CCDC171: variants seen among roughly 807,000 people sequenced by gnomAD.
CCDC171 encodes the protein coiled-coil domain containing 171.
A neutral mutation model predicts 168.2 loss-of-function variants in CCDC171; 177 were observed. The ratio of observed to expected loss-of-function variants is 1.05; its 90% CI spans 0.93 to 1.19. The LOEUF (loss-of-function observed/expected upper bound fraction) is 1.19, where lower values mean the gene tolerates loss of function less well. CCDC171 is among the 50% of genes most tolerant of loss of function. The probability of loss-of-function intolerance (pLI) is 0.00; values close to 1 mark genes in which losing one functional copy is unlikely to be tolerated. For synonymous variants in CCDC171, 687 were observed against 540.8 expected (o/e 1.27, Z -3.75); for missense variants, 1,991 against 1,539.0 (o/e 1.29, Z -4.91).
At chr9:16,033,580 T>G (rs1226362660) in intron 6 of CCDC171, among the ~76,000 whole-genome samples, 1 of 152,152 alleles carries the variant, frequency 6.6e-6, no homozygotes. Context: ...GATTCTACAT[T>G]ATGGTGAGTT....
chr9:15,623,475 GCACACACACACACA>G lies in CCDC171; in HGVS notation c.822+81_822+94del, dbSNP rs1554714957. On this transcript the variant is annotated intron_variant, in intron 7 of 25. Coordinates refer to ENST00000380701, the MANE Select transcript of CCDC171 (RefSeq NM_173550.4). ...CAAACTTTCACATATGCGCGCGCGCGCACACACACACACACACACACACACACACACATAAAACC... is the reference window on the plus strand; with the variant it reads ...CAAACTTTCACATATGCGCGCGCGCGCACACACACACACACACATAAAACC... The G allele has an allele frequency of 1.5e-4, 46 of 315,478 alleles. 3 individuals are homozygous for G. The highest frequency in any genetic ancestry group is 1.2e-3 in the South Asian group (22 of 17,642). 19.5% of individuals were successfully genotyped at this position (315,478 alleles called of 1,614,324 possible). A position where few individuals can be genotyped will look rare whatever the true frequency, so the allele number is the denominator to read the frequency against.
chr9:15,770,526 C>T (rs2056960355), intron 18 of CCDC171, among the ~76,000 whole-genome samples: 1 of 152,052 alleles, frequency 6.6e-6, no homozygotes, highest in South Asian at 2.1e-4. Context: ...AAAATGATAA[C>T]AGAAGTATCA....
At chr9:15,601,609 A>T (rs926610311) in intron 6 of CCDC171, among the ~76,000 whole-genome samples, 71 of 152,338 alleles carry the variant, frequency 4.7e-4, no homozygotes, top group Non-Finnish European at 1.3e-4. Flanking sequence ...TCTGTCCTCG[A>T]AGATATTTCA....
At chr9:15,856,612 G>C (rs968507202) in intron 23 of CCDC171, among the ~76,000 whole-genome samples, 1 of 151,854 alleles carries the variant, frequency 6.6e-6, no homozygotes, top group African/African-American at 2.4e-5. Context: ...TCTCTCAATA[G>C]ACATTTAGGT....
chr9:15,836,593 C>T (rs1206266917), intron 21 of CCDC171, among the ~76,000 whole-genome samples: 1 of 152,134 alleles, frequency 6.6e-6, no homozygotes, highest in Non-Finnish European at 1.5e-5. Flanking sequence ...CCTCGTGATC[C>T]GCCTGCCTCG....
At chr9:15,661,117 A>G (rs1412533301) in intron 8 of CCDC171, among the ~76,000 whole-genome samples, 1 of 152,064 alleles carries the variant, frequency 6.6e-6, no homozygotes, top group Non-Finnish European at 1.5e-5. Context: ...CATCCCTACT[A>G]AAAATACAAA....
At chr9:15,935,144 T>C (rs888893415) in intron 25 of CCDC171, among the ~76,000 whole-genome samples, 4 of 152,080 alleles carry the variant, frequency 2.6e-5, no homozygotes, top group Admixed American at 6.6e-5. Flanking sequence ...CACTTTAAAA[T>C]TGCAAAACTA....
intron 21 of CCDC171, among the ~76,000 whole-genome samples, chr9:15,810,543 G>C (rs2059301651): frequency 6.6e-6 from 1 of 152,180 alleles, no homozygotes; most frequent in Non-Finnish European, 1.5e-5. Flanking sequence ...CCCGAGCCCT[G>C]TCCTGTGAGG....
intron 6 of CCDC171, among the ~76,000 whole-genome samples, chr9:16,030,631 C>T (rs1257921822): frequency 6.6e-6 from 1 of 152,162 alleles, no homozygotes; most frequent in Non-Finnish European, 1.5e-5. Context: ...ACCAGGAGGT[C>T]CCATGCTTGG....
At chr9:15,583,679 T>C (rs2041322484) in intron 4 of CCDC171, among the ~76,000 whole-genome samples, 1 of 152,060 alleles carries the variant, frequency 6.6e-6, no homozygotes, top group South Asian at 2.1e-4. Context: ...GGTTACAGCA[T>C]ACACTGCTTG....
chr9:15,916,025 T>C (rs1824452636), intron 24 of CCDC171, among the ~76,000 whole-genome samples: 1 of 152,142 alleles, frequency 6.6e-6, no homozygotes. Context: ...AGTATTTTGT[T>C]GAGCATAACC....
At chr9:16,095,867 CACATATATATATAT>C in the CCDC171 span, among the ~76,000 whole-genome samples, 74 of 52,782 alleles carry the variant, frequency 1.4e-3, 2 homozygotes, top group African/African-American at 5.7e-3. Context: ...CACACATAGG[CACATATATATATAT>C]ATATATATAT....
rs796273254 is a variant in CCDC171, at chr9:16,058,298, A to G, written n.90-2348A>G. On this transcript the variant is annotated intron_variant and non_coding_transcript_variant, in intron 1 of 1. Transcript: ENST00000478913. The stretch of plus-strand genomic sequence containing the variant: ...CTTTCTTTCCTCTCTCCCCATGACC[A>G]CATCCTTCCACTCTCCTCTCATCAT... Among the ~76,000 whole-genome samples, 83 of 151,962 alleles carry G rather than the reference A, an allele frequency of 5.5e-4. 1 individual carries two copies. The highest frequency in any genetic ancestry group is 1.7e-3 in the African/African-American group (69 of 41,454).
At chr9:15,617,589 G>C (rs913703137) in intron 6 of CCDC171, among the ~76,000 whole-genome samples, 1 of 152,020 alleles carries the variant, frequency 6.6e-6, no homozygotes, top group Non-Finnish European at 1.5e-5. Context: ...TGTTAGCCAG[G>C]ATAGTCTTGA....
At chr9:15,678,641 A>T in intron 9 of CCDC171, 117 bp from the exon 10 acceptor site, 1 of 752,196 alleles carries the variant, frequency 1.3e-6, no homozygotes, top group Non-Finnish European at 2.0e-6. Flanking sequence ...TAGCCTTAAA[A>T]AGTCTTTTAG....
chr9:15,883,383 TA>T (rs895716243), intron 24 of CCDC171, among the ~76,000 whole-genome samples: 24 of 152,224 alleles, frequency 1.6e-4, no homozygotes, highest in African/African-American at 5.8e-4. Flanking sequence ...AGATTTATTG[TA>T]ATAAGGTATT....
chr9:15,738,962 T>C (rs2054669001), intron 16 of CCDC171, among the ~76,000 whole-genome samples: 1 of 152,222 alleles, frequency 6.6e-6, no homozygotes, highest in South Asian at 2.1e-4. Flanking sequence ...ATTCCTTCAA[T>C]ATTTATTAAA....
At chr9:15,915,084 C>G (rs1325733437) in intron 24 of CCDC171, among the ~76,000 whole-genome samples, 1 of 118,244 alleles carries the variant, frequency 8.5e-6, no homozygotes, top group African/African-American at 2.8e-5. Flanking sequence ...TGGAGCTGTT[C>G]CTATTCAGAC....
At chr9:15,604,439 T>C (rs1187140183) in intron 6 of CCDC171, among the ~76,000 whole-genome samples, 2 of 152,246 alleles carry the variant, frequency 1.3e-5, no homozygotes, top group African/African-American at 2.4e-5. Flanking sequence ...ATCAGTGGGA[T>C]TGAAAACATT....
Sources: allele counts gnomAD v4.1 joint callset (sites outside exome capture counted in the v4.1 genomes callset), GRCh38; gene constraint gnomAD v4.1.1; transcripts MANE v1.5; gene names NCBI Gene and HGNC (gene_info 2026-07-23, HGNC 2026-07-21).